The following EHMT1 variants were observed in gnomAD, a reference collection of about 807,000 sequenced individuals.
EHMT1 encodes histone-lysine N-methyltransferase EHMT1.
In EHMT1, 15 loss-of-function variants were observed where a neutral mutation model predicts 147.2. The observed-to-expected ratio is 0.10, with a 90% CI of 0.07 to 0.16. The LOEUF (loss-of-function observed/expected upper bound fraction) is 0.16. Among genes scored for constraint, EHMT1 ranks in the 10% least tolerant of loss-of-function variants. The pLI is 1.00. For synonymous variants in EHMT1, 795 were observed against 709.6 expected (o/e 1.12, Z -1.91); for missense variants, 1,587 against 1,772.4 (o/e 0.90, Z 1.88).
chr9:137,627,257 CA>C (rs1843323174), intron 1 of EHMT1, among the ~76,000 whole-genome samples: 1 of 145,156 alleles, frequency 6.9e-6, no homozygotes, highest in African/African-American at 2.5e-5. Context: ...CATGCCTGGC[CA>C]TTTTTTTTTT....
At chr9:137,696,133 A>C (rs887177873) in intron 1 of EHMT1, among the ~76,000 whole-genome samples, 55 of 152,292 alleles carry the variant, frequency 3.6e-4, no homozygotes, top group African/African-American at 1.3e-3. Context: ...TTTTCTGCCA[A>C]GGGAAAAAAC....
intron 1 of EHMT1, among the ~76,000 whole-genome samples, chr9:137,666,260 A>G (rs1452149877): frequency 1.3e-5 from 2 of 152,222 alleles, no homozygotes; most frequent in Non-Finnish European, 2.9e-5. Flanking sequence ...GTCCCCTCCA[A>G]CTGAGGGTAC....
chr9:137,789,397 G>C (rs1014960196), intron 15 of EHMT1, among the ~76,000 whole-genome samples: 1 of 152,230 alleles, frequency 6.6e-6, no homozygotes, highest in African/African-American at 2.4e-5. Flanking sequence ...AGCAGCCTCT[G>C]TGTGCTGAGC....
At chr9:137,711,693 G>C (rs1433999222) in intron 2 of EHMT1, among the ~76,000 whole-genome samples, 1 of 152,108 alleles carries the variant, frequency 6.6e-6, no homozygotes, top group African/African-American at 2.4e-5. Context: ...CGCACACATA[G>C]GGTTCGGATG....
chr9:137,762,348 A>G (rs1949892937), intron 9 of EHMT1, among the ~76,000 whole-genome samples: 3 of 152,058 alleles, frequency 2.0e-5, no homozygotes, highest in Admixed American at 2.0e-4. Flanking sequence ...TTTGAAAGCA[A>G]AAGATTTAGG....
At chr9:137,675,468 A>G (rs1288475432) in intron 1 of EHMT1, among the ~76,000 whole-genome samples, 10 of 151,852 alleles carry the variant, frequency 6.6e-5, no homozygotes, top group Non-Finnish European at 4.4e-5. Flanking sequence ...AATTTTATTT[A>G]TTTATTTATT....
At position 137,768,529 on chromosome 9, in the gene EHMT1, A is replaced by ATTTTTTTTT. The variant is rs947901899; in HGVS notation, c.1647+5739_1647+5747dup. Among the ~76,000 whole-genome samples, 72 of 18,284 alleles carry ATTTTTTTTT rather than the reference A, an allele frequency of 3.9e-3. 20 individuals are homozygous for ATTTTTTTTT. Among genetic ancestry groups the ATTTTTTTTT allele is most frequent in the East Asian group, 0.016 (5 of 308 alleles). 12.0% of individuals were successfully genotyped at this position (18,284 alleles called of 152,430 possible). On this transcript the variant is annotated intron_variant, in intron 10 of 26. Transcript: ENST00000460843. ...CCACCACGCCCGGCTAATTTTTTGT[A>ATTTTTTTTT]TTTTTTTTTTTTTTTTTTTTTTTTT...
intron 5 of EHMT1, 109 bp from the exon 6 acceptor site, chr9:137,743,793 C>G: frequency 1.5e-6 from 2 of 1,359,332 alleles, no homozygotes; most frequent in Non-Finnish European, 2.0e-6. Context: ...GTCCCCGCCT[C>G]CCCACAGGCC....
chr9:137,828,395 G>A lies in EHMT1; in HGVS notation c.3541-5954G>A, dbSNP rs1183921121. 1.3e-5 allele frequency among the ~76,000 whole-genome samples: 2 copies of A among 151,860 alleles called. No individual in the cohort carries two copies. The highest frequency in any genetic ancestry group is 2.9e-5 in the Non-Finnish European group (2 of 67,938). ...TGTGTGGCCTCAGGGAGTCTGGGCT[G>A]GGTCATCAGGCATGACCATTGCCAA... On this transcript the variant is annotated intron_variant, in intron 25 of 26. Coordinates refer to ENST00000460843, the MANE Select transcript of EHMT1 (RefSeq NM_024757.5). This position sits in a 1 kb window ranked among gnomAD's most constrained non-coding sequence, Gnocchi z 5.3.
intron 18 of EHMT1, among the ~76,000 whole-genome samples, chr9:137,805,104 GAGTC>G (rs964073087): frequency 1.1e-4 from 13 of 118,852 alleles, no homozygotes; most frequent in South Asian, 4.2e-4. Context: ...CTGCATGTGT[GAGTC>G]AGTCATCTGC....
In EHMT1 at chr9:137,811,539, G is replaced by A. The variant is rs745973990; in HGVS notation, c.2791G>A (p.Asp931Asn). Residue 931 changes from aspartate to asparagine, a missense_variant, in exon 19 of 27, where the codon GAC becomes AAC. Asp to Asn is a conservative substitution (Grantham distance 23). This residue lies in a region of EHMT1 where 201 missense variants were observed against 350.1 expected (regional missense o/e 0.57). Transcript: ENST00000460843. ...CGAGATCCTGCTGGCTGCCAAGTGCGACCTCCACGCCGTGAACATCCACGG... is the reference window on the plus strand; with the variant it reads ...CGAGATCCTGCTGGCTGCCAAGTGCAACCTCCACGCCGTGAACATCCACGG... The part of the protein sequence containing the change: ...IAEILLAAKC[D>N]LHAVNIHGDS... 22 of 1,610,066 alleles carry A rather than the reference G, an allele frequency of 1.4e-5. No homozygotes were observed. Among genetic ancestry groups the A allele is most frequent in the South Asian group, 2.2e-5 (2 of 91,092 alleles).
intron 4 of EHMT1, among the ~76,000 whole-genome samples, chr9:137,735,016 T>G (rs1212084167): frequency 6.6e-6 from 1 of 152,184 alleles, no homozygotes; most frequent in African/African-American, 2.4e-5. Context: ...AGTAAAGACA[T>G]GGGCAGTTAT....
At chr9:137,797,054 G>T (rs2137266748) in intron 16 of EHMT1, among the ~76,000 whole-genome samples, 1 of 152,234 alleles carries the variant, frequency 6.6e-6, no homozygotes, top group South Asian at 2.1e-4. Context: ...GATATATGTA[G>T]TAAAGGTATT....
chr9:137,700,031 C>T (rs538532074), intron 1 of EHMT1, among the ~76,000 whole-genome samples: 3 of 152,104 alleles, frequency 2.0e-5, no homozygotes, highest in Non-Finnish European at 2.9e-5. Context: ...ATTTCAGTTA[C>T]GTAAATGTAT....
intron 15 of EHMT1, among the ~76,000 whole-genome samples, chr9:137,783,401 T>C (rs1156679447): frequency 6.6e-6 from 1 of 152,262 alleles, no homozygotes; most frequent in South Asian, 2.1e-4. Context: ...CATTTTCAAA[T>C]CCCAGTAATT....
intron 1 of EHMT1, among the ~76,000 whole-genome samples, chr9:137,647,739 C>T (rs1256216773): frequency 6.6e-6 from 1 of 152,084 alleles, no homozygotes; most frequent in East Asian, 1.9e-4. Context: ...GCATTACACG[C>T]GTGCGCCACC....
chr9:137,823,519 C>T (rs1335912790), intron 25 of EHMT1: 1 of 296,128 alleles, frequency 3.4e-6, no homozygotes, highest in Non-Finnish European at 6.7e-6. Flanking sequence ...TCACGCCATT[C>T]TCCTGCCTCA....
Position 137,835,144 on chromosome 9 carries a change from C to A in EHMT1, c.*191C>A. ...GATGCCTCCCAGCCACCTTCCCAGA[C>A]CTGCGGCCTCACCGCGGGCCCAGTG... On this transcript the variant is annotated 3_prime_UTR_variant, in exon 27 of 27. Coordinates refer to ENST00000460843, the MANE Select transcript of EHMT1 (RefSeq NM_024757.5). 1 of 592,230 alleles carries A rather than the reference C, an allele frequency of 1.7e-6. No individual in the cohort carries two copies. 36.7% of individuals were successfully genotyped at this position (592,230 alleles called of 1,614,324 possible).
rs977727311 is a variant in EHMT1 at position 137,711,119 on chromosome 9, T to G, written c.85+89T>G. 2.9e-6 allele frequency: 4 copies of G among 1,380,660 alleles called. No individual in the cohort carries two copies. The South Asian group carries it at 5.2e-5, about 18-fold the overall frequency. 85.5% of individuals were successfully genotyped at this position (1,380,660 alleles called of 1,614,324 possible). Reference sequence around the variant, plus strand: ...TCTTCCTCTCTTATTAGTCCCCGTCTTCTGACTTTCTTTGCTTCACCTAGG... The same window carrying G: ...TCTTCCTCTCTTATTAGTCCCCGTCGTCTGACTTTCTTTGCTTCACCTAGG... On this transcript the variant is annotated intron_variant, in intron 2 of 26. Coordinates refer to ENST00000460843, the MANE Select transcript of EHMT1 (RefSeq NM_024757.5).
Sources: gnomAD v4.1 joint callset for allele counts (sites outside exome capture counted in the v4.1 genomes callset) on GRCh38, gnomAD v4.1.1 for gene constraint, gnomAD v4.1.1 regional missense constraint, Gnocchi (gnomAD v3.1) non-coding constraint, MANE v1.5 for transcripts, NCBI Gene and HGNC (gene_info 2026-07-23, HGNC 2026-07-21) for gene names.